Variants in PIEZO1 observed in about 807,000 individuals in gnomAD.
The protein encoded by PIEZO1 is piezo-type mechanosensitive ion channel component 1.
Under a neutral mutation model 297.2 loss-of-function variants are expected in PIEZO1, and 296 were observed. The observed-to-expected ratio is 1.00, with a 90% CI of 0.91 to 1.10. PIEZO1 has a LOEUF of 1.10. PIEZO1 is among the 50% of genes least tolerant of loss of function. The pLI is 0.00. For missense variants in PIEZO1, 5,018 were observed against 3,455.5 expected (o/e 1.45, Z -11.34); for synonymous variants, 2,427 against 1,507.5 (o/e 1.61, Z -14.13).
At chr16:88,715,898 C>A (rs950280724) in intron 50 of PIEZO1, 35 bp downstream of exon 50, 6 of 1,537,962 alleles carry the variant, frequency 3.9e-6, no homozygotes, top group South Asian at 3.6e-5. Context: ...CGGAGCCCCC[C>A]GAGCTGCGGG....
At position 88,746,632 on chromosome 16, in the gene PIEZO1, C is replaced by T. The variant is rs373146565; in HGVS notation, c.160+2752G>A. On this transcript the variant is annotated intron_variant, in intron 2 of 50. Coordinates refer to ENST00000301015, the MANE Select transcript of PIEZO1 (RefSeq NM_001142864.4). ...ATCATAAAGCCCCGGGCACTCGGCTCGGGCAAGCCTCACACTTTCCTCTCT... is the reference window on the plus strand; with the variant it reads ...ATCATAAAGCCCCGGGCACTCGGCTTGGGCAAGCCTCACACTTTCCTCTCT... Among the ~76,000 whole-genome samples the T allele has an allele frequency of 3.5e-4, 54 of 152,264 alleles. 1 individual carries two copies. The East Asian group carries it at 0.01, about 28-fold the overall frequency.
At chr16:88,723,532 G>C (rs1233928257) in intron 31 of PIEZO1, among the ~76,000 whole-genome samples, 1 of 152,220 alleles carries the variant, frequency 6.6e-6, no homozygotes, top group African/African-American at 2.4e-5. Context: ...GGGTGGGCTG[G>C]TCTAACACCA....
intron 22 of PIEZO1, 129 bp downstream of exon 22, chr16:88,731,577 A>G: frequency 1.5e-6 from 1 of 673,324 alleles, no homozygotes; most frequent in South Asian, 1.9e-5. Flanking sequence ...TGGAGCAGAG[A>G]GGAGGGACTG....
intron 12 of PIEZO1, 151 bp downstream of exon 12, chr16:88,735,997 T>G: frequency 1.3e-6 from 1 of 746,706 alleles, no homozygotes; most frequent in Non-Finnish European, 2.1e-6. Context: ...GAAGCTACTC[T>G]GGGCTGGCTC....
chr16:88,764,393 C>T (rs1373704765), intron 1 of PIEZO1, among the ~76,000 whole-genome samples: 3 of 152,132 alleles, frequency 2.0e-5, no homozygotes, highest in Admixed American at 6.6e-5. Flanking sequence ...CAAACCCAGG[C>T]GCCATGTTCT....
chr16:88,752,759 C>T (rs1906453095), intron 1 of PIEZO1, among the ~76,000 whole-genome samples: 1 of 151,964 alleles, frequency 6.6e-6, no homozygotes, highest in Admixed American at 6.5e-5. Context: ...GGCAGGGGTT[C>T]CCCGGCAGGC....
intron 42 of PIEZO1, 27 bp from the exon 43 acceptor site, chr16:88,719,987 C>G: frequency 6.5e-7 from 1 of 1,549,714 alleles, no homozygotes; most frequent in Non-Finnish European, 8.7e-7. Flanking sequence ...AGGTCAAGGA[C>G]CCCATCAGAA....
At chr16:88,723,452 T>C (rs1442274250) in intron 31 of PIEZO1, 124 bp from the exon 32 acceptor site, 2 of 1,128,180 alleles carry the variant, frequency 1.8e-6, no homozygotes, top group East Asian at 2.6e-5. Flanking sequence ...GGGACCTCCG[T>C]GTCCCTGAGC....
intron 2 of PIEZO1, chr16:88,743,329 C>T (rs1220878903): frequency 6.6e-6 from 3 of 455,500 alleles, no homozygotes; most frequent in Admixed American, 2.4e-5. Context: ...TGAGTCCTGA[C>T]AGGGCTGTGG....
chr16:88,731,809 G>A lies in PIEZO1; in HGVS notation c.3093C>T (p.Arg1031=). 6.7e-7 allele frequency: 1 copy of A among 1,502,622 alleles called. No individual in the cohort carries two copies. The highest frequency in any genetic ancestry group is 8.9e-7 in the Non-Finnish European group (1 of 1,120,366). 93.1% of individuals were successfully genotyped at this position (1,502,622 alleles called of 1,614,324 possible). Residue 1031 remains arginine (R), a synonymous_variant, in exon 22 of 51, where the codon CGC becomes CGT. Coordinates refer to ENST00000301015, the MANE Select transcript of PIEZO1 (RefSeq NM_001142864.4). ...TGGGCCAGAGGCGGGCAATGGCCTG[G>A]CGGTGCCTGCGGGTGAGGATGGCCA... ...WLVAILTRRH[R]QAIARLWPNY...
chr16:88,776,205 C>T (rs1907655662), intron 1 of PIEZO1, among the ~76,000 whole-genome samples: 1 of 152,186 alleles, frequency 6.6e-6, no homozygotes, highest in South Asian at 2.1e-4. Context: ...GAGGCCGAGG[C>T]GGGTGGATCA....
Position 88,725,509 on chromosome 16 carries a change from T to C in PIEZO1, c.4069A>G (p.Ile1357Val). The change falls in exon 29 of 51, where the codon ATC becomes GTC. Residue 1357 changes from isoleucine to valine, a missense_variant. Physicochemically the swap from Ile to Val is conservative, Grantham distance 29. Transcript: ENST00000301015. ...LAQLKRQMER[I>V]RAKQEKHRQG... ...CTGTGCTTCTCCTGCTTGGCACGGA[T>C]ACGCTCCATCCTGTGGTGGGGAAAG... 6.5e-7 allele frequency: 1 copy of C among 1,534,790 alleles called. No homozygotes were observed. The highest frequency in any genetic ancestry group is 8.8e-7 in the Non-Finnish European group (1 of 1,137,636).
chr16:88,720,326 G>T lies in PIEZO1; in HGVS notation c.5950-43C>A, dbSNP rs1035715423. On this transcript the variant is annotated intron_variant, in intron 41 of 50. Coordinates refer to ENST00000301015, the MANE Select transcript of PIEZO1 (RefSeq NM_001142864.4). ...CAGGTCAGGGGGAGCCAAGCCCAGG[G>T]GATGTGGGTGGCTGCTGAGCTCTGC... 1.1e-5 allele frequency: 17 copies of T among 1,549,958 alleles called. No homozygotes were observed. The African/African-American group carries it at 1.9e-4, about 17-fold the overall frequency.
chr16:88,716,364 G>A lies in PIEZO1; in HGVS notation c.7046C>T (p.Ser2349Phe). 1 of 1,536,594 alleles carries A rather than the reference G, an allele frequency of 6.5e-7. No individual in the cohort carries two copies. The highest frequency in any genetic ancestry group is 8.8e-7 in the Non-Finnish European group (1 of 1,138,510). ...ASLLEGTSDQ[S>F]VVIPNLFPKY... The stretch of plus-strand genomic sequence containing the variant: ...ACCACCCGGGCCCTTCACTCACACA[G>A]ACTGGTCCGAGGTGCCCTCGAGCAG... Residue 2349 changes from serine to phenylalanine, a missense_variant, in exon 48 of 51, where the codon TCT becomes TTT. Ser to Phe is a radical substitution (Grantham distance 155). Coordinates refer to ENST00000301015, the MANE Select transcript of PIEZO1 (RefSeq NM_001142864.4).
rs781348830 is a variant in PIEZO1 at position 88,733,359 on chromosome 16, C to A, written c.2583G>T (p.Trp861Cys). The change falls in exon 19 of 51, where the codon TGG becomes TGT. Residue 861 changes from tryptophan (W) to cysteine (C), a missense_variant. Coordinates refer to ENST00000301015, the MANE Select transcript of PIEZO1 (RefSeq NM_001142864.4). ...TCTTACACACGATGATGACGCAGGT[C>A]CACACGGTGGACAGGCAGGAGGCCA... ...RPMASCLSTV[W>C]TCVIIVCKML... 3.5e-5 allele frequency: 55 copies of A among 1,550,126 alleles called. No homozygotes were observed. The highest frequency in any genetic ancestry group is 4.7e-5 in the Non-Finnish European group (54 of 1,146,864).
At chr16:88,732,264 G>T in intron 21 of PIEZO1, 71 bp downstream of exon 21, 1 of 1,356,552 alleles carries the variant, frequency 7.4e-7, no homozygotes, top group Non-Finnish European at 1.0e-6. Context: ...TGCGGTGCCT[G>T]CACGGTGCAG....
rs553201091 is a variant in PIEZO1 at position 88,716,014 on chromosome 16, C to T, written c.7235G>A (p.Arg2412Gln). 117 of 1,550,202 alleles carry T rather than the reference C, an allele frequency of 7.5e-5. No homozygotes were observed. In the African/African-American group the frequency reaches 7.7e-4, roughly 10 times the overall value. ...EWWVIELQEC[R>Q]TDCNLLPMVI... ...CATGGGCAGCAGGTTGCAGTCGGTCCGGCACTCCTGCAGCTCGATGACCCA... is the reference window on the plus strand; with the variant it reads ...CATGGGCAGCAGGTTGCAGTCGGTCTGGCACTCCTGCAGCTCGATGACCCA... The change falls in exon 50 of 51, where the codon CGG becomes CAG. Residue 2412 changes from arginine to glutamine, a missense_variant. Physicochemically the swap from Arg to Gln is conservative, Grantham distance 43. Transcript: ENST00000301015.
At chr16:88,750,259 C>A (rs957237980) in intron 1 of PIEZO1, among the ~76,000 whole-genome samples, 1 of 151,896 alleles carries the variant, frequency 6.6e-6, no homozygotes, top group Non-Finnish European at 1.5e-5. Flanking sequence ...TCGCTTGAAC[C>A]CGGGAGGTGG....
intron 1 of PIEZO1, among the ~76,000 whole-genome samples, chr16:88,780,560 C>T (rs1907884253): frequency 6.6e-6 from 1 of 152,224 alleles, no homozygotes; most frequent in Non-Finnish European, 1.5e-5. Context: ...GTGTGGGATA[C>T]TGTGCTGGCT....
Sources: allele counts gnomAD v4.1 joint callset (sites outside exome capture counted in the v4.1 genomes callset), GRCh38; gene constraint gnomAD v4.1.1; transcripts MANE v1.5; gene names NCBI Gene and HGNC (gene_info 2026-07-23, HGNC 2026-07-21).